DPYS: variants seen among roughly 807,000 people sequenced by gnomAD.
The protein encoded by DPYS is dihydropyrimidinase.
DPYS carries 39 observed loss-of-function variants against 50.3 expected under a neutral mutation model. The observed-to-expected ratio is 0.78, with a 90% CI of 0.60 to 1.01. DPYS has a LOEUF of 1.01. Ranked by LOEUF, DPYS falls within the 50% of genes least tolerant of loss-of-function variation. The pLI is 0.00. For missense variants in DPYS, 659 were observed against 680.9 expected, an observed-to-expected ratio of 0.97 and a Z score of 0.36; for synonymous variants, 245 against 250.7, an observed-to-expected ratio of 0.98 and a Z score of 0.22.
chr8:104,395,964 TAAG>T (rs1417515975), intron 7 of DPYS, among the ~76,000 whole-genome samples: 2 of 151,892 alleles, frequency 1.3e-5, no homozygotes, highest in Non-Finnish European at 2.9e-5. Flanking sequence ...TTTCAAACAT[TAAG>T]AAGGATGGAG....
At chr8:104,398,755 T>C (rs946162914) in intron 7 of DPYS, among the ~76,000 whole-genome samples, 1 of 152,124 alleles carries the variant, frequency 6.6e-6, no homozygotes, top group Non-Finnish European at 1.5e-5. Context: ...CTAGGGCCAT[T>C]GTCATATAGC....
chr8:104,449,491 A>G (rs908257782), intron 2 of DPYS, among the ~76,000 whole-genome samples: 1 of 152,162 alleles, frequency 6.6e-6, no homozygotes, highest in African/African-American at 2.4e-5. Flanking sequence ...GCAGAATCTC[A>G]GGTCCCACCT....
chr8:104,382,912 C>T (rs1006918800), intron 8 of DPYS, among the ~76,000 whole-genome samples: 2 of 152,164 alleles, frequency 1.3e-5, no homozygotes, highest in South Asian at 2.1e-4. Flanking sequence ...GCTGTGCAGC[C>T]CTCCTCAGAT....
intron 7 of DPYS, among the ~76,000 whole-genome samples, chr8:104,423,377 G>A (rs769005194): frequency 1.3e-5 from 2 of 152,108 alleles, no homozygotes; most frequent in Non-Finnish European, 2.9e-5. Flanking sequence ...TGGTACCTTA[G>A]TGTTTCAAAT....
At chr8:104,381,525 CAG>C (rs1468218369) in intron 8 of DPYS, 17 of 520,000 alleles carry the variant, frequency 3.3e-5, no homozygotes, top group African/African-American at 2.7e-4. Context: ...CTGCCTCAGA[CAG>C]AGGCCCAGGG....
intron 8 of DPYS, among the ~76,000 whole-genome samples, chr8:104,381,851 A>AACACACACAC (rs1228106911): frequency 1.8e-5 from 1 of 54,490 alleles, no homozygotes. Flanking sequence ...GAGTTTTGAA[A>AACACACACAC]TCACACACAC....
intron 7 of DPYS, among the ~76,000 whole-genome samples, chr8:104,402,904 C>T (rs919461848): frequency 1.3e-5 from 2 of 152,146 alleles, no homozygotes; most frequent in Non-Finnish European, 2.9e-5. Flanking sequence ...AGAGAGCTCA[C>T]TAAAATGCTA....
At chr8:104,389,619 G>A (rs141944768) in intron 8 of DPYS, among the ~76,000 whole-genome samples, 3 of 151,788 alleles carry the variant, frequency 2.0e-5, no homozygotes, top group African/African-American at 7.3e-5. Context: ...TGGCTCTTAG[G>A]TTTACTTAAT....
chr8:104,459,519 C>T (rs1223676783), intron 1 of DPYS, among the ~76,000 whole-genome samples: 4 of 152,212 alleles, frequency 2.6e-5, no homozygotes, highest in East Asian at 3.8e-4. Flanking sequence ...TGGAACCTAA[C>T]AGCCAGCTTG....
intron 4 of DPYS, among the ~76,000 whole-genome samples, chr8:104,441,118 C>T (rs909777212): frequency 2.0e-5 from 3 of 152,272 alleles, no homozygotes; most frequent in East Asian, 1.9e-4. Flanking sequence ...ATCTTTCAAA[C>T]TATTTTATTC....
chr8:104,424,520 G>A, intron 6 of DPYS, 131 bp from the exon 7 acceptor site: 1 of 959,070 alleles, frequency 1.0e-6, no homozygotes, highest in Admixed American at 2.2e-5. Flanking sequence ...AGCATCTGAG[G>A]ATGCTGGTAA....
At chr8:104,390,021 C>G (rs899700013) in intron 8 of DPYS, among the ~76,000 whole-genome samples, 7 of 152,186 alleles carry the variant, frequency 4.6e-5, no homozygotes, top group Admixed American at 3.9e-4. Flanking sequence ...AACGTTTTCT[C>G]TACAAGAAGA....
chr8:104,447,273 A>G (rs1354879718), intron 3 of DPYS, 51 bp downstream of exon 3: 15 of 1,605,488 alleles, frequency 9.3e-6, no homozygotes, highest in Non-Finnish European at 1.3e-5. Context: ...TCTTCACCTT[A>G]TGTTATGGCT....
At position 104,429,552 on chromosome 8, in the gene DPYS, A is replaced by G. The variant is rs764832631; in HGVS notation, c.943T>C (p.Leu315=). The G allele has an allele frequency of 6.2e-7, 1 of 1,614,048 alleles. No homozygotes were observed. The highest frequency in any genetic ancestry group is 8.5e-7 in the Non-Finnish European group (1 of 1,179,974). The change falls in exon 5 of 10, where the codon TTG becomes CTG. Residue 315 remains leucine, a synonymous_variant. Transcript: ENST00000351513. The part of the protein sequence containing the change: ...PSTPDFLMNL[L]ANDDLTTTGT... ...CATCTGCAAAATGATTACTTAGCCA[A>G]CAGATTCATGAGGAAGTCGGGTGTT...
At chr8:104,428,897 C>T (rs1424613342) in intron 5 of DPYS, among the ~76,000 whole-genome samples, 1 of 151,460 alleles carries the variant, frequency 6.6e-6, no homozygotes, top group African/African-American at 2.4e-5. Context: ...GTGGCACTAT[C>T]TCTGCTCACT....
intron 4 of DPYS, among the ~76,000 whole-genome samples, chr8:104,444,005 C>T (rs532120827): frequency 2.0e-5 from 3 of 151,888 alleles, no homozygotes; most frequent in Admixed American, 6.6e-5. Flanking sequence ...CCTGGGGTCG[C>T]AAGGATGGAG....
intron 1 of DPYS, among the ~76,000 whole-genome samples, chr8:104,451,688 G>A (rs935580835): frequency 1.3e-5 from 2 of 152,140 alleles, no homozygotes; most frequent in African/African-American, 4.8e-5. Flanking sequence ...GGATTGTAAA[G>A]AAAAATCAAA....
intron 8 of DPYS, among the ~76,000 whole-genome samples, chr8:104,383,548 C>G: frequency 6.6e-6 from 1 of 151,312 alleles, no homozygotes; most frequent in Non-Finnish European, 1.5e-5. Flanking sequence ...GGGCTGACTC[C>G]GTTTCTGTCA....
chr8:104,438,028 C>T (rs926468523), intron 4 of DPYS, among the ~76,000 whole-genome samples: 20 of 152,146 alleles, frequency 1.3e-4, no homozygotes, highest in African/African-American at 4.6e-4. Context: ...ATTCAAATCA[C>T]CCAGTAAGCG....
Sources: allele counts gnomAD v4.1 joint callset (sites outside exome capture counted in the v4.1 genomes callset), GRCh38; gene constraint gnomAD v4.1.1; transcripts MANE v1.5; gene names NCBI Gene and HGNC (gene_info 2026-07-23, HGNC 2026-07-21).